The following TP53BP1 variants were observed in gnomAD, a reference collection of about 807,000 sequenced individuals.
TP53BP1 encodes tumor protein p53 binding protein 1, also known as TP53-binding protein 1.
A neutral mutation model predicts 200.8 loss-of-function variants in TP53BP1; 61 were observed. The ratio of observed to expected loss-of-function variants is 0.30; its 90% CI spans 0.25 to 0.38. TP53BP1 has a LOEUF of 0.38. TP53BP1 is among the 10% of genes least tolerant of loss of function. The probability of loss-of-function intolerance (pLI) is 1.00; values close to 1 mark genes in which losing one functional copy is unlikely to be tolerated. For missense variants in TP53BP1, 2,144 were observed against 2,371.9 expected (o/e 0.90, Z 2.00); for synonymous variants, 822 against 844.3 (o/e 0.97, Z 0.46).
rs2044769992 is a variant in TP53BP1, at chr15:43,403,987, A to G, written c.*3396T>C. The G allele has an allele frequency of 1.2e-5, 7 of 592,250 alleles. No individual in the cohort carries two copies. The highest frequency in any genetic ancestry group is 1.8e-5 in the Non-Finnish European group (6 of 331,756). The allele number at this position is 592,250 out of a possible 1,614,324, so 36.7% of individuals were successfully genotyped here. ...AGCAGGTAATACTGTGCCACCTCAC[A>G]GTGCTCAAAAATAGTTCAGTCCTGA... On this transcript the variant is annotated 3_prime_UTR_variant, in exon 28 of 28. Coordinates refer to ENST00000382044, the MANE Select transcript of TP53BP1 (RefSeq NM_001141980.3).
At chr15:43,452,460 G>A (rs557310591) in intron 12 of TP53BP1, among the ~76,000 whole-genome samples, 5 of 152,038 alleles carry the variant, frequency 3.3e-5, no homozygotes, top group Admixed American at 6.5e-5. Context: ...CGGGGCGGGG[G>A]GCTGAAGTGG....
intron 12 of TP53BP1, among the ~76,000 whole-genome samples, chr15:43,454,491 G>C (rs1255885553): frequency 6.6e-6 from 1 of 151,520 alleles, no homozygotes; most frequent in South Asian, 2.1e-4. Flanking sequence ...AGCCTCCCGA[G>C]TAGCTGGGAT....
intron 18 of TP53BP1, 39 bp from the exon 19 acceptor site, chr15:43,422,165 A>G (rs1182357181): frequency 6.3e-7 from 1 of 1,594,784 alleles, no homozygotes; most frequent in African/African-American, 1.3e-5. Flanking sequence ...AAAAGATGCC[A>G]TAATAACACA....
Position 43,404,591 on chromosome 15 carries a change from G to C in TP53BP1, c.*2792C>G, listed in dbSNP as rs757434614. ...TTGGGTAACTCAGTAGACTTTTTAA[G>C]GTGGCTTTTTAATGAGTTGTAGAAT... On this transcript the variant is annotated 3_prime_UTR_variant, in exon 28 of 28. Coordinates refer to ENST00000382044, the MANE Select transcript of TP53BP1 (RefSeq NM_001141980.3). 4.8e-5 allele frequency: 77 copies of C among 1,604,260 alleles called. 1 individual carries two copies. In the South Asian group the frequency reaches 8.4e-4, roughly 18 times the overall value.
intron 16 of TP53BP1, among the ~76,000 whole-genome samples, chr15:43,433,300 T>G (rs538729959): frequency 2.0e-5 from 3 of 152,346 alleles, no homozygotes; most frequent in Admixed American, 2.0e-4. Context: ...ACAGCCCATT[T>G]TTTTTCATAA....
chr15:43,467,665 T>C (rs541015968), intron 11 of TP53BP1, among the ~76,000 whole-genome samples: 1 of 152,332 alleles, frequency 6.6e-6, no homozygotes, highest in Admixed American at 6.5e-5. Context: ...CAGGAATACC[T>C]TTCCAAAGAC....
intron 11 of TP53BP1, among the ~76,000 whole-genome samples, chr15:43,458,542 G>A (rs1049549408): frequency 2.6e-5 from 4 of 152,158 alleles, no homozygotes; most frequent in Admixed American, 6.5e-5. Flanking sequence ...ACTTTGGGGA[G>A]GCTGAGGTGG....
At chr15:43,486,101 C>T (rs764407153) in intron 4 of TP53BP1, among the ~76,000 whole-genome samples, 17 of 151,426 alleles carry the variant, frequency 1.1e-4, no homozygotes, top group Non-Finnish European at 2.2e-4. Flanking sequence ...GGGAGGGCCG[C>T]GGAGGTGCCT....
chr15:43,413,049 A>G, intron 24 of TP53BP1, 70 bp downstream of exon 24: 2 of 1,474,064 alleles, frequency 1.4e-6, no homozygotes, highest in Non-Finnish European at 1.9e-6. Flanking sequence ...GGGGACCACC[A>G]GCTCATAAGT....
At position 43,492,237 on chromosome 15, in the gene TP53BP1, TA is replaced by T. The variant is rs34075231; in HGVS notation, c.192+46del. 10,788 of 1,234,698 alleles carry T rather than the reference TA, an allele frequency of 8.7e-3. 6 individuals are homozygous for T. Among genetic ancestry groups the T allele is most frequent in the African/African-American group, 0.012 (794 of 66,810 alleles). 76.5% of individuals were successfully genotyped at this position (1,234,698 alleles called of 1,614,324 possible). A position where few individuals can be genotyped will look rare whatever the true frequency, so the allele number is the denominator to read the frequency against. ...TACTTATGTTTGCTGGTTTTCGGTT[TA>T]AAAAAAAAAATCTGCTCAATCTTCT... is the stretch of plus-strand genomic sequence containing the variant. On this transcript the variant is annotated intron_variant, in intron 2 of 27. Coordinates refer to ENST00000382044, the MANE Select transcript of TP53BP1 (RefSeq NM_001141980.3).
chr15:43,457,654 G>A (rs689816), intron 11 of TP53BP1, among the ~76,000 whole-genome samples: 56,776 of 125,902 alleles, frequency 0.45, 16,617 homozygotes, highest in African/African-American at 0.86. Context: ...CCTGGGTGAC[G>A]GAGTGAGACT....
At chr15:43,493,277 G>C, upstream of TP53BP1, 1 of 1,370,360 alleles carries the variant, frequency 7.3e-7, no homozygotes, top group Non-Finnish European at 9.6e-7. Context: ...GTAAGAAAAA[G>C]GAACACGGCG....
intron 1 of TP53BP1, among the ~76,000 whole-genome samples, chr15:43,507,280 A>G (rs2140187673): frequency 6.6e-6 from 1 of 152,142 alleles, no homozygotes; most frequent in South Asian, 2.1e-4. Flanking sequence ...GATTACAGGC[A>G]CCCACCAACA....
At chr15:43,467,122 T>C (rs972034288) in intron 11 of TP53BP1, among the ~76,000 whole-genome samples, 1 of 151,922 alleles carries the variant, frequency 6.6e-6, no homozygotes, top group Non-Finnish European at 1.5e-5. Context: ...GGCATGATCA[T>C]GGCTCACTGC....
At chr15:43,412,302 A>T (rs1595520996) in intron 24 of TP53BP1, among the ~76,000 whole-genome samples, 1 of 152,206 alleles carries the variant, frequency 6.6e-6, no homozygotes, top group South Asian at 2.1e-4. Flanking sequence ...TATGACAACC[A>T]TGTTGCCTAA....
intron 16 of TP53BP1, among the ~76,000 whole-genome samples, chr15:43,436,261 C>T (rs959494400): frequency 4.1e-4 from 62 of 152,118 alleles, no homozygotes; most frequent in African/African-American, 7.7e-4. Flanking sequence ...AAAGTGCCAC[C>T]GCGCCTGGCT....
intron 23 of TP53BP1, 28 bp from the exon 24 acceptor site, chr15:43,413,362 G>C (rs758115139): frequency 1.7e-5 from 27 of 1,594,332 alleles, no homozygotes; most frequent in Non-Finnish European, 2.1e-5. Flanking sequence ...ACAGTTACTA[G>C]AGGGATACAC....
chr15:43,452,285 G>A (rs914050203), intron 12 of TP53BP1, among the ~76,000 whole-genome samples: 4 of 152,028 alleles, frequency 2.6e-5, no homozygotes, highest in Non-Finnish European at 4.4e-5. Flanking sequence ...ATTGTTCTCG[G>A]CTGAGCACGG....
intron 13 of TP53BP1, chr15:43,446,971 A>G (rs1595565928): frequency 1.9e-6 from 1 of 538,376 alleles, no homozygotes; most frequent in Non-Finnish European, 3.6e-6. Context: ...GGGAAGGAGG[A>G]TCTAAGTTTT....
Sources: gnomAD v4.1 joint callset for allele counts (sites outside exome capture counted in the v4.1 genomes callset) on GRCh38, gnomAD v4.1.1 for gene constraint, MANE v1.5 for transcripts, NCBI Gene and HGNC (gene_info 2026-07-23, HGNC 2026-07-21) for gene names.